The following CFAP161 variants were observed in gnomAD, a reference collection of about 807,000 sequenced individuals.
The protein encoded by CFAP161 is cilia- and flagella-associated protein 161.
In CFAP161, 25 loss-of-function variants were observed where a neutral mutation model predicts 29.0. The ratio of observed to expected loss-of-function variants is 0.86; its 90% CI spans 0.63 to 1.20. The LOEUF is 1.20. Among genes scored for constraint, CFAP161 ranks in the 50% most tolerant of loss-of-function variants. The pLI, the probability that CFAP161 is intolerant of heterozygous loss-of-function variation, is 0.00. For missense variants in CFAP161, 367 were observed against 371.9 expected (o/e 0.99, Z 0.11); for synonymous variants, 116 against 137.4 (o/e 0.84, Z 1.09).
rs766025757 is a variant in CFAP161, at chr15:81,135,272, G to T, written c.72G>T (p.Glu24Asp). 2.5e-6 allele frequency: 4 copies of T among 1,585,792 alleles called. No homozygotes were observed. In the Middle Eastern group the frequency reaches 6.8e-4, roughly 269 times the overall value. ...ACTTTTGTTGATTTTCTGTTTAGGA[G>T]CTCATGAAAGACTTCTTAGAGAAGA... is the stretch of plus-strand genomic sequence containing the variant. The part of the protein sequence containing the change: ...NWNEDVYLEE[E>D]LMKDFLEKRD... The change falls in exon 2 of 7, where the codon GAG (glutamate) becomes GAT (aspartate). Residue 24 changes from glutamate (E) to aspartate (D), a missense_variant and splice_region_variant. Coordinates refer to ENST00000286732, the MANE Select transcript of CFAP161 (RefSeq NM_173528.4).
At chr15:81,125,310 T>G (rs1434947620) in intron 1 of CFAP161, among the ~76,000 whole-genome samples, 1 of 152,142 alleles carries the variant, frequency 6.6e-6, no homozygotes, top group African/African-American at 2.4e-5. Context: ...GTTAAATATA[T>G]GAATGTGTTG....
chr15:81,139,441 G>A (rs149829790), intron 4 of CFAP161, among the ~76,000 whole-genome samples: 205 of 152,250 alleles, frequency 1.3e-3, no homozygotes, highest in African/African-American at 4.3e-3. Flanking sequence ...CTTAACCAGA[G>A]ATTAGCACCA....
At chr15:81,112,698 AT>A (rs2141864011) in intron 1 of CFAP161, among the ~76,000 whole-genome samples, 2 of 152,296 alleles carry the variant, frequency 1.3e-5, no homozygotes, top group South Asian at 4.1e-4. Context: ...TTATTACATT[AT>A]TTAAAAATAA....
chr15:81,117,916 G>A (rs901945864), intron 1 of CFAP161: 2 of 422,650 alleles, frequency 4.7e-6, no homozygotes, highest in Non-Finnish European at 4.5e-6. Context: ...ATCCACCTGG[G>A]CATCTGAGTC....
intron 1 of CFAP161, among the ~76,000 whole-genome samples, chr15:81,104,926 G>A (rs1894343320): frequency 6.6e-6 from 1 of 151,604 alleles, no homozygotes; most frequent in African/African-American, 2.4e-5. Context: ...ATTCTCCTAT[G>A]GTTCTAGAGG....
chr15:81,101,756 A>G (rs548817899), intron 1 of CFAP161, among the ~76,000 whole-genome samples: 2 of 152,248 alleles, frequency 1.3e-5, no homozygotes, highest in South Asian at 2.1e-4. Context: ...GTCAGGGACA[A>G]TTCCTGTGGA....
At chr15:81,141,831 C>A (rs1894914855) in intron 4 of CFAP161, among the ~76,000 whole-genome samples, 1 of 151,828 alleles carries the variant, frequency 6.6e-6, no homozygotes, top group Non-Finnish European at 1.5e-5. Context: ...ATTACAGGCA[C>A]CTGCCACCAC....
chr15:81,136,677 A>G lies in CFAP161; in HGVS notation c.321A>G (p.Leu107=). ...DEIQSHLKDE[L]EVPCGLSAVQ... The stretch of plus-strand genomic sequence containing the variant: ...TTCAGTCCCATCTGAAAGACGAATT[A>G]GAGGTACCCTGTGGCCTGAGCGCAG... Residue 107 remains leucine, a synonymous_variant, in exon 3 of 7, where the codon TTA becomes TTG. Transcript: ENST00000286732. The G allele has an allele frequency of 6.2e-7, 1 of 1,614,230 alleles. No individual in the cohort carries two copies. Among genetic ancestry groups the G allele is most frequent in the Non-Finnish European group, 8.5e-7 (1 of 1,180,044 alleles).
At chr15:81,118,238 C>A in intron 1 of CFAP161, 1 of 500,288 alleles carries the variant, frequency 2.0e-6, no homozygotes, top group South Asian at 1.9e-5. Context: ...GAAATCAAAC[C>A]TACATTTATT....
chr15:81,119,291 C>T (rs1894539795), intron 1 of CFAP161, among the ~76,000 whole-genome samples: 1 of 152,122 alleles, frequency 6.6e-6, no homozygotes, highest in African/African-American at 2.4e-5. Context: ...ATTTCTACTA[C>T]ATGCAGTATT....
intron 4 of CFAP161, among the ~76,000 whole-genome samples, chr15:81,139,485 A>AT (rs1418517815): frequency 6.6e-6 from 1 of 151,986 alleles, no homozygotes; most frequent in Admixed American, 6.6e-5. Flanking sequence ...TTTCCTGTGT[A>AT]TTTTTTTAAA....
chr15:81,112,554 A>G (rs939949486), intron 1 of CFAP161, among the ~76,000 whole-genome samples: 1 of 152,214 alleles, frequency 6.6e-6, no homozygotes, highest in Non-Finnish European at 1.5e-5. Context: ...CAAGTGGATA[A>G]TGAACACAGG....
chr15:81,123,120 A>G (rs978400737), intron 1 of CFAP161, among the ~76,000 whole-genome samples: 3 of 152,194 alleles, frequency 2.0e-5, no homozygotes, highest in African/African-American at 7.2e-5. Context: ...GCCCATGCCA[A>G]TGTCCTGAAT....
chr15:81,143,870 C>G (rs1334146309), intron 5 of CFAP161, 50 bp downstream of exon 5: 1 of 1,570,808 alleles, frequency 6.4e-7, no homozygotes, highest in African/African-American at 1.4e-5. Context: ...GAAATGGATG[C>G]AATTTATTCC....
chr15:81,124,039 T>G (rs1040427347), intron 1 of CFAP161, among the ~76,000 whole-genome samples: 1 of 152,212 alleles, frequency 6.6e-6, no homozygotes, highest in Non-Finnish European at 1.5e-5. Context: ...TTTCTTTCTC[T>G]TGCCTGATTG....
At position 81,136,756 on chromosome 15, in the gene CFAP161, G is replaced by A. The variant is rs368007727; in HGVS notation, c.392+8G>A. On this transcript the variant is annotated splice_region_variant and intron_variant, in intron 3 of 6. Coordinates refer to ENST00000286732, the MANE Select transcript of CFAP161 (RefSeq NM_173528.4). ...CACTTTTATCATTTTGAGGTAAAGAGACTTTAATTTTCAGTTCATTTTCAT... is the reference window on the plus strand; with the variant it reads ...CACTTTTATCATTTTGAGGTAAAGAAACTTTAATTTTCAGTTCATTTTCAT... The A allele has an allele frequency of 1.6e-5, 25 of 1,600,986 alleles. No individual in the cohort carries two copies. Among genetic ancestry groups the A allele is most frequent in the Non-Finnish European group, 2.1e-5 (24 of 1,168,692 alleles).
At chr15:81,115,791 A>G (rs1595910379) in intron 1 of CFAP161, among the ~76,000 whole-genome samples, 1 of 151,112 alleles carries the variant, frequency 6.6e-6, no homozygotes, top group Admixed American at 6.6e-5. Context: ...GTGATCTCTT[A>G]TGGTCAGCCT....
chr15:81,141,453 T>A (rs1894907050), intron 4 of CFAP161, among the ~76,000 whole-genome samples: 1 of 152,206 alleles, frequency 6.6e-6, no homozygotes, highest in Non-Finnish European at 1.5e-5. Context: ...TTTCAGTTGA[T>A]TTTTTTATGT....
intron 4 of CFAP161, among the ~76,000 whole-genome samples, chr15:81,138,422 C>T (rs1169492535): frequency 6.6e-6 from 1 of 152,250 alleles, no homozygotes; most frequent in Non-Finnish European, 1.5e-5. Context: ...CCACTTCCAC[C>T]TGTAAATTAA....
Sources: allele counts gnomAD v4.1 joint callset (sites outside exome capture counted in the v4.1 genomes callset), GRCh38; gene constraint gnomAD v4.1.1; transcripts MANE v1.5; gene names NCBI Gene and HGNC (gene_info 2026-07-23, HGNC 2026-07-21).